SMYD3: variants seen among roughly 807,000 people sequenced by gnomAD.
SMYD3 encodes the protein SET and MYND domain containing 3, also known as histone-lysine N-methyltransferase SMYD3.
In SMYD3, 36 loss-of-function variants were observed where a neutral mutation model predicts 57.7. The ratio of observed to expected loss-of-function variants is 0.62; its 90% CI spans 0.48 to 0.82. SMYD3 has a LOEUF of 0.82. Among genes scored for constraint, SMYD3 ranks in the 40% least tolerant of loss-of-function variants. The probability of loss-of-function intolerance (pLI) is 0.00; values close to 1 mark genes in which losing one functional copy is unlikely to be tolerated. For synonymous variants in SMYD3, 211 were observed against 195.0 expected, an observed-to-expected ratio of 1.08 and a Z score of -0.68; for missense variants, 515 against 538.8, an observed-to-expected ratio of 0.96 and a Z score of 0.44.
At chr1:246,296,570 ATAAC>A (rs2064799181) in intron 5 of SMYD3, among the ~76,000 whole-genome samples, 3 of 152,096 alleles carry the variant, frequency 2.0e-5, no homozygotes, top group African/African-American at 7.2e-5. Flanking sequence ...TATATACAAA[ATAAC>A]TAAATTATTT....
intron 1 of SMYD3, among the ~76,000 whole-genome samples, chr1:246,485,963 A>C (rs1012009282): frequency 3.3e-5 from 5 of 152,240 alleles, no homozygotes; most frequent in African/African-American, 9.6e-5. Context: ...GATAATGCAC[A>C]CTAAAGCCCA....
At chr1:246,472,513 C>T (rs371256654) in intron 1 of SMYD3, among the ~76,000 whole-genome samples, 32 of 152,228 alleles carry the variant, frequency 2.1e-4, no homozygotes, top group South Asian at 2.1e-4. Context: ...GAGGCCAAGA[C>T]GGGCAGATCA....
chr1:246,334,438 C>G (rs1281993182), intron 3 of SMYD3, among the ~76,000 whole-genome samples: 1 of 152,104 alleles, frequency 6.6e-6, no homozygotes, highest in Non-Finnish European at 1.5e-5. Context: ...AGGGCATTAT[C>G]CTAAGTGAAT....
chr1:245,885,271 T>C (rs771192292), intron 8 of SMYD3, among the ~76,000 whole-genome samples: 1 of 152,222 alleles, frequency 6.6e-6, no homozygotes, highest in South Asian at 2.1e-4. Flanking sequence ...ACCATGAGGG[T>C]CTGCAGCTTC....
intron 1 of SMYD3, among the ~76,000 whole-genome samples, chr1:246,393,305 G>C (rs975721306): frequency 2.0e-5 from 3 of 152,076 alleles, no homozygotes; most frequent in Non-Finnish European, 2.9e-5. Flanking sequence ...GTTTAAGCTT[G>C]ACCATTATAA....
chr1:246,165,980 C>A (rs1282570902), intron 5 of SMYD3, among the ~76,000 whole-genome samples: 2 of 152,026 alleles, frequency 1.3e-5, no homozygotes. Context: ...ATGTGCACAT[C>A]TGAATGGGAG....
intron 8 of SMYD3, among the ~76,000 whole-genome samples, chr1:245,896,965 T>C (rs937547550): frequency 2.0e-5 from 3 of 152,160 alleles, no homozygotes; most frequent in Middle Eastern, 3.4e-3. Context: ...TCCAGAACAC[T>C]GAGTGAAATG....
At chr1:245,785,644 C>CGAGCGA (rs71563760) in intron 10 of SMYD3, among the ~76,000 whole-genome samples, 8 of 149,376 alleles carry the variant, frequency 5.4e-5, no homozygotes, top group South Asian at 4.3e-4. Flanking sequence ...AGAGAGCGAG[C>CGAGCGA]GAGAGAGAGA....
chr1:245,954,308 T>C (rs188527059), intron 5 of SMYD3, among the ~76,000 whole-genome samples: 1 of 152,178 alleles, frequency 6.6e-6, no homozygotes, highest in East Asian at 1.9e-4. Context: ...ACCAATAAAA[T>C]TGCAGATCAA....
intron 5 of SMYD3, among the ~76,000 whole-genome samples, chr1:246,081,036 CTTTG>C (rs139709206): frequency 0.09 from 13,644 of 152,136 alleles, 1,841 homozygotes; most frequent in African/African-American, 0.29. Flanking sequence ...TAAGTTACCA[CTTTG>C]TTTGATTATC....
chr1:246,493,037 T>C lies in SMYD3; in HGVS notation c.164+14017A>G, dbSNP rs189306630. On this transcript the variant is annotated intron_variant, in intron 1 of 11. Transcript: ENST00000490107. ...CTAAAGTTGATTATGGTGATATTAG[T>C]ATGTACTTAATGCCACCGAAGGGTA... 1.3e-3 allele frequency among the ~76,000 whole-genome samples: 200 copies of C among 152,350 alleles called. 1 individual carries two copies. The highest frequency in any genetic ancestry group is 3.6e-3 in the African/African-American group (151 of 41,576).
intron 5 of SMYD3, among the ~76,000 whole-genome samples, chr1:245,989,733 G>A (rs2148109934): frequency 6.6e-6 from 1 of 152,346 alleles, no homozygotes; most frequent in African/African-American, 2.4e-5. Context: ...TCCCACAGAG[G>A]ATTACAGGCC....
At chr1:245,974,381 C>CAGAGTCATGACAATT (rs1553377414) in intron 5 of SMYD3, among the ~76,000 whole-genome samples, 1 of 152,186 alleles carries the variant, frequency 6.6e-6, no homozygotes, top group Non-Finnish European at 1.5e-5. Context: ...TCCAGTCTAT[C>CAGAGTCATGACAATT]AGAGTCATGA....
intron 5 of SMYD3, among the ~76,000 whole-genome samples, chr1:246,196,995 A>G (rs1455621399): frequency 6.8e-6 from 1 of 147,772 alleles, no homozygotes; most frequent in Non-Finnish European, 1.5e-5. Flanking sequence ...GGTGCTAAAG[A>G]AAAAAAAAAA....
chr1:246,094,901 T>C (rs1201990120), intron 5 of SMYD3, among the ~76,000 whole-genome samples: 1 of 152,118 alleles, frequency 6.6e-6, no homozygotes, highest in Admixed American at 6.5e-5. Flanking sequence ...CTCCTTGCCA[T>C]TCCCTCCCTC....
At chr1:245,926,669 CT>C (rs1239939384) in intron 7 of SMYD3, among the ~76,000 whole-genome samples, 2 of 152,190 alleles carry the variant, frequency 1.3e-5, no homozygotes, top group African/African-American at 4.8e-5. Flanking sequence ...ATAGAAGAAA[CT>C]TTCTTTGTTG....
intron 10 of SMYD3, among the ~76,000 whole-genome samples, chr1:245,815,632 C>G (rs537079195): frequency 6.6e-6 from 1 of 152,244 alleles, no homozygotes; most frequent in Non-Finnish European, 1.5e-5. Context: ...AACCCTGTCC[C>G]TGTAGCACCT....
intron 5 of SMYD3, among the ~76,000 whole-genome samples, chr1:246,300,081 TA>T (rs71813772): frequency 0.12 from 17,544 of 152,052 alleles, 2,086 homozygotes; most frequent in African/African-American, 0.3. Context: ...ATACAACCAT[TA>T]AAAAATTATA....
intron 5 of SMYD3, among the ~76,000 whole-genome samples, chr1:246,270,260 A>G (rs950455186): frequency 5.3e-5 from 8 of 152,218 alleles, no homozygotes; most frequent in African/African-American, 1.9e-4. Context: ...CTCAAGGCAT[A>G]GATGCATCCA....
Sources: allele counts gnomAD v4.1 joint callset (sites outside exome capture counted in the v4.1 genomes callset), GRCh38; gene constraint gnomAD v4.1.1; transcripts MANE v1.5; gene names NCBI Gene and HGNC (gene_info 2026-07-23, HGNC 2026-07-21).